Variants in MAF observed in about 807,000 individuals in gnomAD.
MAF encodes the protein transcription factor Maf.
A neutral mutation model predicts 22.0 loss-of-function variants in MAF; 10 were observed. That is an observed-to-expected ratio of 0.45 (90% CI 0.28 to 0.77). The LOEUF (loss-of-function observed/expected upper bound fraction) is 0.77. MAF is among the 30% of genes least tolerant of loss of function. MAF has a pLI of 0.12. For synonymous variants in MAF, 337 were observed against 255.8 expected, an observed-to-expected ratio of 1.32 and a Z score of -3.03; for missense variants, 544 against 548.4, an observed-to-expected ratio of 0.99 and a Z score of 0.08.
At chr16:79,467,946 G>T in the MAF span, among the ~76,000 whole-genome samples, 1 of 151,680 alleles carries the variant, frequency 6.6e-6, no homozygotes, top group East Asian at 1.9e-4. Context: ...TCGTGGGGGG[G>T]TGGTTGTGGC....
chr16:79,480,381 T>TA, the MAF span, among the ~76,000 whole-genome samples: 1 of 151,714 alleles, frequency 6.6e-6, no homozygotes, highest in Non-Finnish European at 1.5e-5. Context: ...GATTTTAAAA[T>TA]AAAAAAAGCC....
chr16:79,358,233 T>A, the MAF span, among the ~76,000 whole-genome samples: 1 of 152,198 alleles, frequency 6.6e-6, no homozygotes, highest in Non-Finnish European at 1.5e-5. Flanking sequence ...CAAATCCTGC[T>A]CACTGGCTTC....
At chr16:79,367,836 C>A in the MAF span, among the ~76,000 whole-genome samples, 67 of 152,330 alleles carry the variant, frequency 4.4e-4, no homozygotes, top group African/African-American at 1.6e-3. Flanking sequence ...TTCCATATTT[C>A]TTTTATTCTG....
the MAF span, among the ~76,000 whole-genome samples, chr16:79,331,294 G>C: frequency 6.6e-6 from 1 of 152,214 alleles, no homozygotes; most frequent in African/African-American, 2.4e-5. Context: ...CAGGCAGGAA[G>C]ACTTGGGGTG....
At chr16:79,260,633 G>A in the MAF span, among the ~76,000 whole-genome samples, 1 of 152,196 alleles carries the variant, frequency 6.6e-6, no homozygotes, top group Non-Finnish European at 1.5e-5. Context: ...GAGCTCTTGA[G>A]TGAATAAGTG....
the MAF span, among the ~76,000 whole-genome samples, chr16:79,289,867 T>TTTTTTTTTTTTTTTC: frequency 5.9e-4 from 70 of 118,532 alleles, 6 homozygotes; most frequent in Non-Finnish European, 9.5e-4. Context: ...TTTTTTTTTT[T>TTTTTTTTTTTTTTTC]TGTGAGACGG....
At chr16:79,378,697 G>C in the MAF span, among the ~76,000 whole-genome samples, 1 of 152,156 alleles carries the variant, frequency 6.6e-6, no homozygotes, top group African/African-American at 2.4e-5. Context: ...TTTTTGAAAT[G>C]TATCTATCTT....
At chr16:79,548,083 T>C in the MAF span, among the ~76,000 whole-genome samples, 17 of 152,224 alleles carry the variant, frequency 1.1e-4, no homozygotes, top group Non-Finnish European at 1.5e-5. Flanking sequence ...AGTGGTTGTT[T>C]TCTTTTTTAG....
At chr16:79,515,848 T>G in the MAF span, 2 of 151,866 alleles carry the variant, frequency 1.3e-5, no homozygotes, top group Non-Finnish European at 2.9e-5. Context: ...CACAGAAACA[T>G]AGGTTGAGAT....
the MAF span, among the ~76,000 whole-genome samples, chr16:79,491,262 A>G: frequency 0.9 from 137,030 of 152,200 alleles, 61,746 homozygotes; most frequent in East Asian, 1. Context: ...GCAAACACCA[A>G]CCTGAGTGGG....
the MAF span, among the ~76,000 whole-genome samples, chr16:79,221,020 C>T: frequency 2.0e-5 from 3 of 152,188 alleles, no homozygotes; most frequent in East Asian, 1.9e-4. Context: ...AGGCTGAATG[C>T]GGAAAGCAGA....
At chr16:79,494,423 A>G in the MAF span, among the ~76,000 whole-genome samples, 4 of 152,024 alleles carry the variant, frequency 2.6e-5, no homozygotes, top group African/African-American at 9.7e-5. Flanking sequence ...AGCTTCCTAT[A>G]TCTCAGAAGT....
At chr16:79,307,382 G>A in the MAF span, among the ~76,000 whole-genome samples, 1 of 152,208 alleles carries the variant, frequency 6.6e-6, no homozygotes, top group Non-Finnish European at 1.5e-5. Context: ...CACAGCCCGG[G>A]TCCCTGGGCA....
At chr16:79,522,079 G>T in the MAF span, among the ~76,000 whole-genome samples, 1 of 152,184 alleles carries the variant, frequency 6.6e-6, no homozygotes, top group Non-Finnish European at 1.5e-5. Context: ...AATCTGAGGT[G>T]TGTAGGGGGA....
At chr16:79,565,886 G>A in the MAF span, among the ~76,000 whole-genome samples, 1 of 152,134 alleles carries the variant, frequency 6.6e-6, no homozygotes, top group African/African-American at 2.4e-5. Context: ...TGATAGATGA[G>A]GAAACTGAAG....
the MAF span, among the ~76,000 whole-genome samples, chr16:79,333,869 C>A: frequency 6.7e-4 from 102 of 152,210 alleles, no homozygotes; most frequent in Admixed American, 1.4e-3. Context: ...ATCCCAACAC[C>A]TCACCTGGAT....
At chr16:79,421,652 T>C in the MAF span, among the ~76,000 whole-genome samples, 1 of 152,138 alleles carries the variant, frequency 6.6e-6, no homozygotes, top group East Asian at 1.9e-4. Context: ...TTTTTTTTTT[T>C]TTGAGACAGG....
the MAF span, among the ~76,000 whole-genome samples, chr16:79,230,183 G>A: frequency 0.019 from 2,857 of 152,186 alleles, 58 homozygotes; most frequent in Middle Eastern, 0.071. Context: ...TTAACTTTCT[G>A]GAGTTGAATT....
At chr16:79,470,769 C>T in the MAF span, among the ~76,000 whole-genome samples, 1 of 152,132 alleles carries the variant, frequency 6.6e-6, no homozygotes, top group Non-Finnish European at 1.5e-5. Context: ...CCTCTTGAAT[C>T]TGTTGAATGG....
Sources: gnomAD v4.1 joint callset for allele counts (sites outside exome capture counted in the v4.1 genomes callset) on GRCh38, gnomAD v4.1.1 for gene constraint, MANE v1.5 for transcripts, NCBI Gene and HGNC (gene_info 2026-07-23, HGNC 2026-07-21) for gene names.